The following KIF26B variants were observed in gnomAD, a reference collection of about 807,000 sequenced individuals.
KIF26B encodes the protein kinesin family member 26B.
Under a neutral mutation model 151.2 loss-of-function variants are expected in KIF26B, and 63 were observed. The observed-to-expected ratio is 0.42, with a 90% CI of 0.34 to 0.51. The LOEUF is 0.51. Among genes scored for constraint, KIF26B ranks in the 20% least tolerant of loss-of-function variants. The pLI is 0.07. For missense variants in KIF26B, 2,813 were observed against 2,913.6 expected (o/e 0.97, Z 0.79); for synonymous variants, 1,357 against 1,262.1 (o/e 1.08, Z -1.59).
chr1:245,645,638 C>A (rs970407951), intron 9 of KIF26B, among the ~76,000 whole-genome samples: 4 of 152,150 alleles, frequency 2.6e-5, no homozygotes, highest in African/African-American at 9.7e-5. Flanking sequence ...GTCGTTACTT[C>A]TTCCTGATTT....
chr1:245,628,008 A>C (rs1235484607), intron 9 of KIF26B, among the ~76,000 whole-genome samples: 1 of 152,244 alleles, frequency 6.6e-6, no homozygotes, highest in Non-Finnish European at 1.5e-5. Context: ...CAACCAAAAA[A>C]AGTCCAGGAC....
At chr1:245,234,489 C>G (rs1670066026) in intron 2 of KIF26B, 1 of 152,338 alleles carries the variant, frequency 6.6e-6, no homozygotes, top group Non-Finnish European at 1.5e-5. Context: ...CTGGGTGCAC[C>G]TCCCGTTTCT....
chr1:245,478,442 T>TTTTG (rs1160713776), intron 4 of KIF26B, among the ~76,000 whole-genome samples: 1 of 150,026 alleles, frequency 6.7e-6, no homozygotes. Flanking sequence ...TTTTTTTTTT[T>TTTTG]TTTGAGACGG....
At chr1:245,605,892 CA>C (rs2043447832) in intron 6 of KIF26B, among the ~76,000 whole-genome samples, 1 of 152,202 alleles carries the variant, frequency 6.6e-6, no homozygotes, top group South Asian at 2.1e-4. Flanking sequence ...GTGGTCCACA[CA>C]CAGCCAACAT....
At chr1:245,552,266 T>C (rs1014811190) in intron 5 of KIF26B, among the ~76,000 whole-genome samples, 1 of 151,732 alleles carries the variant, frequency 6.6e-6, no homozygotes, top group African/African-American at 2.4e-5. Context: ...GAGGTGCAGC[T>C]GGAGTCCAAA....
intron 5 of KIF26B, among the ~76,000 whole-genome samples, chr1:245,595,208 G>A (rs1224781941): frequency 3.9e-5 from 6 of 152,164 alleles, no homozygotes; most frequent in African/African-American, 1.4e-4. Flanking sequence ...TATTGAATAG[G>A]AGTGGTGAGA....
intron 2 of KIF26B, among the ~76,000 whole-genome samples, chr1:245,251,111 A>T (rs989990265): frequency 2.6e-5 from 4 of 152,166 alleles, no homozygotes; most frequent in African/African-American, 9.7e-5. Flanking sequence ...CTCATTAGAG[A>T]CTTAGGGACC....
intron 3 of KIF26B, among the ~76,000 whole-genome samples, chr1:245,381,621 G>T (rs1030784713): frequency 6.6e-6 from 1 of 152,030 alleles, no homozygotes; most frequent in African/African-American, 2.4e-5. Context: ...CTCTTCCATG[G>T]CATTAGGTAC....
At chr1:245,646,683 C>A (rs2043951434) in intron 10 of KIF26B, among the ~76,000 whole-genome samples, 1 of 152,038 alleles carries the variant, frequency 6.6e-6, no homozygotes, top group Non-Finnish European at 1.5e-5. Flanking sequence ...TATAGGATAT[C>A]CAGGCAAATT....
chr1:245,258,197 G>A lies in KIF26B; in HGVS notation c.465+101514G>A, dbSNP rs568619086. Among the ~76,000 whole-genome samples the A allele has an allele frequency of 2.6e-5, 4 of 152,240 alleles. No individual in the cohort carries two copies. The South Asian group carries it at 8.3e-4, about 32-fold the overall frequency. ...TTTCCTCCTCCTCGTCACCACCTAC[G>A]GTGTTTATGGAGTTCGCTGTACATG... On this transcript the variant is annotated intron_variant, in intron 2 of 14. Transcript: ENST00000407071.
rs917778404 is a variant in KIF26B at position 245,167,132 on chromosome 1, A to G, written c.465+10449A>G. 2.6e-5 allele frequency among the ~76,000 whole-genome samples: 4 copies of G among 151,934 alleles called. No homozygotes were observed. Among genetic ancestry groups the G allele is most frequent in the Admixed American group, 6.5e-5 (1 of 15,272 alleles). On this transcript the variant is annotated intron_variant, in intron 2 of 14. Transcript: ENST00000407071. The surrounding 1 kb of genome is among the most constrained non-coding windows in gnomAD (Gnocchi z 4.2). ...AACAAATTTTAGCTCTCCACACAGC[A>G]TGGTTCTAAAATCTTTGATGGTTCT...
At chr1:245,190,059 G>A (rs190242847) in intron 2 of KIF26B, among the ~76,000 whole-genome samples, 1 of 140,898 alleles carries the variant, frequency 7.1e-6, no homozygotes, top group Admixed American at 7.3e-5. Context: ...GGGAATTATG[G>A]GAGCTACAAT....
intron 9 of KIF26B, among the ~76,000 whole-genome samples, chr1:245,639,144 A>G (rs2043862553): frequency 1.3e-5 from 2 of 151,734 alleles, no homozygotes; most frequent in South Asian, 4.1e-4. Flanking sequence ...TACTGTTCCA[A>G]TCTATTACTT....
intron 2 of KIF26B, among the ~76,000 whole-genome samples, chr1:245,321,730 T>C (rs1448036189): frequency 1.3e-5 from 2 of 152,226 alleles, no homozygotes; most frequent in Non-Finnish European, 2.9e-5. Context: ...ATGCTGCTGA[T>C]TGAGCCGCAA....
At position 245,538,037 on chromosome 1, in the gene KIF26B, A is replaced by G. The variant is rs941402183; in HGVS notation, c.1167-2730A>G. 3.3e-5 allele frequency among the ~76,000 whole-genome samples: 5 copies of G among 152,184 alleles called. No homozygotes were observed. The South Asian group carries it at 1.0e-3, about 32-fold the overall frequency. On this transcript the variant is annotated intron_variant, in intron 4 of 14. Coordinates refer to ENST00000407071, the MANE Select transcript of KIF26B (RefSeq NM_018012.4). Reference sequence around the variant, plus strand: ...CAGAAGAGAAGGAACCAGCAAAGGAAACTGGAAAGGAATGGCCAGGGTGTC... The same window carrying G: ...CAGAAGAGAAGGAACCAGCAAAGGAGACTGGAAAGGAATGGCCAGGGTGTC...
chr1:245,298,923 A>G (rs1226701944), intron 2 of KIF26B, among the ~76,000 whole-genome samples: 2 of 152,152 alleles, frequency 1.3e-5, no homozygotes, highest in Non-Finnish European at 2.9e-5. Context: ...TGACTCTTTC[A>G]CAGTTGATTG....
At chr1:245,236,393 C>CT (rs1670111123) in intron 2 of KIF26B, among the ~76,000 whole-genome samples, 1 of 152,088 alleles carries the variant, frequency 6.6e-6, no homozygotes, top group Admixed American at 6.6e-5. Context: ...TAAATGTTGC[C>CT]TCCATCATAG....
intron 2 of KIF26B, among the ~76,000 whole-genome samples, chr1:245,185,543 C>T (rs889430457): frequency 6.6e-6 from 1 of 152,194 alleles, no homozygotes; most frequent in African/African-American, 2.4e-5. Context: ...AGCTTTGTGT[C>T]AATCAACAAA....
In KIF26B at chr1:245,686,744, C is replaced by G. The variant is rs746567659; in HGVS notation, c.3761C>G (p.Thr1254Arg). ...STAPVSEVSI[T>R]QFLPLPKMSL... ...GCCCCCGTCTCCGAGGTCAGCATCA[C>G]ACAGTTCTTGCCCCTCCCGAAGATG... Residue 1254 changes from threonine (T) to arginine (R), a missense_variant, in exon 12 of 15, where the codon ACA (threonine) becomes AGA (arginine). Transcript: ENST00000407071. This position sits in a 1 kb window ranked among gnomAD's most constrained non-coding sequence, Gnocchi z 5.6. 3 of 1,613,594 alleles carry G rather than the reference C, an allele frequency of 1.9e-6. 1 individual carries two copies. The South Asian group carries it at 3.3e-5, about 18-fold the overall frequency.
Sources: gnomAD v4.1 joint callset for allele counts (sites outside exome capture counted in the v4.1 genomes callset) on GRCh38, gnomAD v4.1.1 for gene constraint, Gnocchi (gnomAD v3.1) non-coding constraint, MANE v1.5 for transcripts, NCBI Gene and HGNC (gene_info 2026-07-23, HGNC 2026-07-21) for gene names.